CFTR: variants seen among roughly 807,000 people sequenced by gnomAD.
CFTR encodes CF transmembrane conductance regulator.
CFTR carries 181 observed loss-of-function variants against 171.6 expected under a neutral mutation model. The ratio of observed to expected loss-of-function variants is 1.05; its 90% CI spans 0.93 to 1.19. CFTR has a LOEUF of 1.19. Ranked by LOEUF, CFTR falls within the 50% of genes most tolerant of loss-of-function variation. CFTR has a pLI of 0.00. For missense variants in CFTR, 1,968 were observed against 1,734.7 expected (o/e 1.13, Z -2.39); for synonymous variants, 583 against 608.0 (o/e 0.96, Z 0.60).
At chr7:117,656,753 T>C (rs1793189729) in intron 24 of CFTR, among the ~76,000 whole-genome samples, 1 of 152,184 alleles carries the variant, frequency 6.6e-6, no homozygotes. Flanking sequence ...ACCTAAAATG[T>C]TGAGCCTCAA....
intron 21 of CFTR, among the ~76,000 whole-genome samples, chr7:117,621,804 A>C (rs1792586079): frequency 6.6e-6 from 1 of 152,228 alleles, no homozygotes; most frequent in Non-Finnish European, 1.5e-5. Flanking sequence ...GCTAGATTGT[A>C]ATTAAGCTCC....
chr7:117,488,991 G>T (rs1584768047), intron 1 of CFTR, among the ~76,000 whole-genome samples: 1 of 151,860 alleles, frequency 6.6e-6, no homozygotes, highest in Non-Finnish European at 1.5e-5. Context: ...ATCCCACAAG[G>T]TTGACTCTTA....
intron 15 of CFTR, among the ~76,000 whole-genome samples, chr7:117,597,719 C>G (rs1459720498): frequency 6.6e-6 from 1 of 150,992 alleles, no homozygotes; most frequent in Non-Finnish European, 1.5e-5. Context: ...TTTAGAGATT[C>G]AAATCACACA....
In CFTR at chr7:117,540,256, C is replaced by T. The variant is rs928312842; in HGVS notation, c.1026C>T (p.Phe342=). The T allele has an allele frequency of 8.7e-6, 14 of 1,613,980 alleles. No individual in the cohort carries two copies. Among genetic ancestry groups the T allele is most frequent in the African/African-American group, 1.3e-5 (1 of 74,910 alleles). ...ILRKIFTTIS[F]CIVLRMAVTR... ...GGAAAATATTCACCACCATCTCATT[C>T]TGCATTGTTCTGCGCATGGCGGTCA... Residue 342 remains phenylalanine (F), a synonymous_variant, in exon 8 of 27, where the codon TTC becomes TTT. Transcript: ENST00000003084.
chr7:117,518,493 A>G (rs1798633529), intron 3 of CFTR, among the ~76,000 whole-genome samples: 2 of 147,792 alleles, frequency 1.4e-5, no homozygotes, highest in Admixed American at 1.4e-4. Context: ...ACTTAAATAT[A>G]TAGAGCAATA....
chr7:117,548,955 T>C, intron 10 of CFTR, 132 bp downstream of exon 10: 1 of 1,283,968 alleles, frequency 7.8e-7, no homozygotes, highest in Non-Finnish European at 1.1e-6. Context: ...ATGGGTGTAG[T>C]GTCTTGTATA....
intron 23 of CFTR, among the ~76,000 whole-genome samples, chr7:117,645,911 T>C (rs1792989804): frequency 6.6e-6 from 1 of 152,142 alleles, no homozygotes; most frequent in Non-Finnish European, 1.5e-5. Context: ...ATAGAAATGC[T>C]AGATAAAACA....
At chr7:117,614,986 T>C (rs1363811112) in intron 21 of CFTR, among the ~76,000 whole-genome samples, 1 of 152,094 alleles carries the variant, frequency 6.6e-6, no homozygotes, top group African/African-American at 2.4e-5. Context: ...AGGGGTTGTA[T>C]TGCTGGGTCA....
At chr7:117,511,873 T>G (rs1798524627) in intron 3 of CFTR, among the ~76,000 whole-genome samples, 1 of 152,200 alleles carries the variant, frequency 6.6e-6, no homozygotes, top group Admixed American at 6.5e-5. Context: ...GGGAGAAAAT[T>G]TAGCCATTAT....
intron 21 of CFTR, among the ~76,000 whole-genome samples, chr7:117,620,585 A>G (rs1212607892): frequency 2.0e-5 from 3 of 152,240 alleles, no homozygotes; most frequent in African/African-American, 7.2e-5. Context: ...AAATGCCATT[A>G]TGATGTTCTA....
At chr7:117,604,891 G>T (rs1792279603) in intron 17 of CFTR, 1 of 152,194 alleles carries the variant, frequency 6.6e-6, no homozygotes, top group Non-Finnish European at 1.5e-5. Context: ...GAGCGATGAG[G>T]CACAGTGGAA....
intron 21 of CFTR, chr7:117,616,442 C>T (rs1293979831): frequency 6.6e-6 from 1 of 152,166 alleles, no homozygotes; most frequent in Non-Finnish European, 1.5e-5. Flanking sequence ...TTAAGCTCCT[C>T]ATGCACTTAC....
intron 15 of CFTR, among the ~76,000 whole-genome samples, chr7:117,599,328 A>C (rs977903042): frequency 6.6e-6 from 1 of 152,170 alleles, no homozygotes; most frequent in African/African-American, 2.4e-5. Context: ...CCTTTGTCTC[A>C]TGCAGCTCCA....
At chr7:117,609,464 G>T (rs1025764128) in intron 18 of CFTR, among the ~76,000 whole-genome samples, 5 of 152,138 alleles carry the variant, frequency 3.3e-5, no homozygotes, top group Non-Finnish European at 7.4e-5. Context: ...CCTTTCTGCA[G>T]ACAGTTACTT....
chr7:117,562,115 G>GACTAGCTTGT (rs1791513085), intron 11 of CFTR, among the ~76,000 whole-genome samples: 1 of 152,164 alleles, frequency 6.6e-6, no homozygotes, highest in Non-Finnish European at 1.5e-5. Flanking sequence ...ATTCAGTAGA[G>GACTAGCTTGT]ACTAGCTTGT....
chr7:117,594,874 A>G, intron 14 of CFTR, 56 bp from the exon 15 acceptor site: 3 of 1,554,478 alleles, frequency 1.9e-6, no homozygotes, highest in Non-Finnish European at 2.7e-6. Flanking sequence ...ATAAAACCAC[A>G]ATGGTGGCAT....
intron 23 of CFTR, chr7:117,647,231 G>A (rs1457027117): frequency 6.6e-6 from 1 of 151,578 alleles, no homozygotes; most frequent in Non-Finnish European, 1.5e-5. Context: ...TCAGTCTCTT[G>A]GGTAGGTGGA....
At chr7:117,626,722 G>A (rs1242392777) in intron 21 of CFTR, among the ~76,000 whole-genome samples, 1 of 151,704 alleles carries the variant, frequency 6.6e-6, no homozygotes, top group Non-Finnish European at 1.5e-5. Flanking sequence ...TATATGCCAA[G>A]TTGTTTTTAA....
chr7:117,609,607 G>GA (rs1382934517), intron 18 of CFTR, among the ~76,000 whole-genome samples: 2 of 152,014 alleles, frequency 1.3e-5, no homozygotes, highest in Non-Finnish European at 2.9e-5. Flanking sequence ...TTAAGCATGA[G>GA]AAAATATGCT....
Sources: gnomAD v4.1 joint callset for allele counts (sites outside exome capture counted in the v4.1 genomes callset) on GRCh38, gnomAD v4.1.1 for gene constraint, MANE v1.5 for transcripts, NCBI Gene and HGNC (gene_info 2026-07-23, HGNC 2026-07-21) for gene names.